USP45: variants seen among roughly 807,000 people sequenced by gnomAD.
USP45 encodes ubiquitin specific peptidase 45.
A neutral mutation model predicts 95.8 loss-of-function variants in USP45; 89 were observed. The observed-to-expected ratio is 0.93, with a 90% CI of 0.78 to 1.11. USP45 has a LOEUF of 1.11. USP45 is among the 50% of genes least tolerant of loss of function. The pLI, the probability that USP45 is intolerant of heterozygous loss-of-function variation, is 0.00. For missense variants in USP45, 898 were observed against 942.5 expected, an observed-to-expected ratio of 0.95 and a Z score of 0.62; for synonymous variants, 281 against 316.2, an observed-to-expected ratio of 0.89 and a Z score of 1.18.
At chr6:99,457,820 A>G (rs1456548789) in intron 13 of USP45, among the ~76,000 whole-genome samples, 1 of 152,184 alleles carries the variant, frequency 6.6e-6, no homozygotes, top group Non-Finnish European at 1.5e-5. Context: ...GGGTATGAGA[A>G]TTCGTTTTAA....
intron 1 of USP45, among the ~76,000 whole-genome samples, chr6:99,510,755 C>A (rs1347956568): frequency 6.6e-6 from 1 of 152,094 alleles, no homozygotes; most frequent in Non-Finnish European, 1.5e-5. Flanking sequence ...TTGTTTAAAC[C>A]ACCCAGTCTA....
chr6:99,491,073 C>G (rs1229614849), intron 5 of USP45, among the ~76,000 whole-genome samples: 1 of 152,038 alleles, frequency 6.6e-6, no homozygotes, highest in Middle Eastern at 3.2e-3. Flanking sequence ...ACTCCCAACT[C>G]CAGAATCCTG....
chr6:99,513,231 A>G (rs1376149781), intron 1 of USP45, among the ~76,000 whole-genome samples: 1 of 152,152 alleles, frequency 6.6e-6, no homozygotes, highest in East Asian at 1.9e-4. Flanking sequence ...CCATGTCGGG[A>G]GAAAGTCTCT....
At position 99,434,380 on chromosome 6, in the gene USP45, CT is replaced by C; in HGVS notation, c.*1335del. 1 of 152,262 alleles carries C rather than the reference CT, an allele frequency of 6.6e-6. No homozygotes were observed. Among genetic ancestry groups the C allele is most frequent in the East Asian group, 1.9e-4 (1 of 5,184 alleles). The allele number at this position is 152,262 out of a possible 1,614,324, so 9.4% of individuals were successfully genotyped here. On this transcript the variant is annotated 3_prime_UTR_variant, in exon 18 of 18. Coordinates refer to ENST00000500704, the MANE Select transcript of USP45 (RefSeq NM_001346022.3). ...GAATGAAGTGGGACTAGGCATTTACCTGGCACTTGCCTGCACTATCATTCAT... is the reference window on the plus strand; with the variant it reads ...GAATGAAGTGGGACTAGGCATTTACCGGCACTTGCCTGCACTATCATTCAT...
At chr6:99,470,338 T>C (rs1040556759) in intron 9 of USP45, among the ~76,000 whole-genome samples, 2 of 152,208 alleles carry the variant, frequency 1.3e-5, no homozygotes. Flanking sequence ...GTATGATTTA[T>C]GTTTCTTCTG....
At chr6:99,510,806 T>C (rs1405903320) in intron 1 of USP45, among the ~76,000 whole-genome samples, 1 of 152,172 alleles carries the variant, frequency 6.6e-6, no homozygotes, top group Non-Finnish European at 1.5e-5. Context: ...ACACAACCCC[T>C]AAATATATGA....
intron 13 of USP45, among the ~76,000 whole-genome samples, chr6:99,452,455 A>T (rs1412666877): frequency 6.6e-6 from 1 of 152,214 alleles, no homozygotes; most frequent in South Asian, 2.1e-4. Context: ...ATCAGAGAAA[A>T]GCAAATCAAA....
At chr6:99,464,516 C>T (rs1045298722) in intron 13 of USP45, 88 bp downstream of exon 13, 13 of 1,418,962 alleles carry the variant, frequency 9.2e-6, no homozygotes, top group East Asian at 2.4e-5. Context: ...GAGTTTATTA[C>T]ACTATGTTCT....
At chr6:99,466,648 T>C (rs747820840) in intron 11 of USP45, 24 bp downstream of exon 11, 7 of 1,555,870 alleles carry the variant, frequency 4.5e-6, no homozygotes, top group African/African-American at 1.4e-5. Flanking sequence ...CATTCCATGC[T>C]GAATTGAATT....
At chr6:99,490,309 A>G (rs1030086944) in intron 5 of USP45, among the ~76,000 whole-genome samples, 9 of 151,242 alleles carry the variant, frequency 6.0e-5, no homozygotes, top group African/African-American at 2.2e-4. Context: ...GATTACAGGC[A>G]CCTACTACCA....
intron 5 of USP45, among the ~76,000 whole-genome samples, chr6:99,491,773 C>A (rs1415396039): frequency 6.7e-6 from 1 of 150,348 alleles, no homozygotes; most frequent in Non-Finnish European, 1.5e-5. Context: ...TTTTTGGCTT[C>A]TTCCAAAACA....
At chr6:99,457,479 G>A (rs574275064) in intron 13 of USP45, among the ~76,000 whole-genome samples, 1 of 152,182 alleles carries the variant, frequency 6.6e-6, no homozygotes, top group South Asian at 2.1e-4. Context: ...GTGAATATTG[G>A]GGCAGGTTCC....
intron 13 of USP45, chr6:99,462,696 C>T: frequency 1.0e-6 from 1 of 985,760 alleles, no homozygotes; most frequent in Non-Finnish European, 1.2e-6. Flanking sequence ...AAGTTAAATT[C>T]AGGCCCAGCG....
chr6:99,460,345 T>G (rs1171290926), intron 13 of USP45, among the ~76,000 whole-genome samples: 1 of 152,150 alleles, frequency 6.6e-6, no homozygotes, highest in South Asian at 2.1e-4. Flanking sequence ...ATATAAGAAA[T>G]GAAAATGATC....
At chr6:99,506,485 C>A (rs1244579587) in intron 4 of USP45, among the ~76,000 whole-genome samples, 2 of 152,016 alleles carry the variant, frequency 1.3e-5, no homozygotes, top group Non-Finnish European at 2.9e-5. Flanking sequence ...ATTTTTGTAT[C>A]TTTCGTAGAG....
chr6:99,448,212 A>G (rs897858004), intron 13 of USP45, among the ~76,000 whole-genome samples: 1 of 152,236 alleles, frequency 6.6e-6, no homozygotes, highest in African/African-American at 2.4e-5. Flanking sequence ...ACGAGTTGAG[A>G]GAAGAAGGCT....
chr6:99,454,734 G>A (rs1784631000), intron 13 of USP45, among the ~76,000 whole-genome samples: 1 of 152,206 alleles, frequency 6.6e-6, no homozygotes, highest in African/African-American at 2.4e-5. Flanking sequence ...TCAAGAATGT[G>A]GAGAAAAGGA....
At chr6:99,437,607 G>A (rs969417923) in intron 16 of USP45, among the ~76,000 whole-genome samples, 1 of 152,152 alleles carries the variant, frequency 6.6e-6, no homozygotes, top group Non-Finnish European at 1.5e-5. Context: ...CACACATATT[G>A]CACATGGGAA....
At chr6:99,470,784 A>G (rs9376188) in intron 9 of USP45, among the ~76,000 whole-genome samples, 119,727 of 152,052 alleles carry the variant, frequency 0.79, 47,449 homozygotes, top group East Asian at 0.99. Context: ...TGCAGGAGAA[A>G]TATTTAATGA....
Sources: allele counts gnomAD v4.1 joint callset (sites outside exome capture counted in the v4.1 genomes callset), GRCh38; gene constraint gnomAD v4.1.1; transcripts MANE v1.5; gene names NCBI Gene and HGNC (gene_info 2026-07-23, HGNC 2026-07-21).